Variants in SLC44A5 observed in about 807,000 individuals in gnomAD.
SLC44A5 encodes the protein choline transporter-like protein 5.
In SLC44A5, 57 loss-of-function variants were observed where a neutral mutation model predicts 101.8. The observed-to-expected ratio is 0.56, with a 90% CI of 0.45 to 0.70. The LOEUF (loss-of-function observed/expected upper bound fraction) is 0.70, where lower values mean the gene tolerates loss of function less well. Among genes scored for constraint, SLC44A5 ranks in the 30% least tolerant of loss-of-function variants. The pLI is 0.00. For synonymous variants in SLC44A5, 281 were observed against 290.9 expected (o/e 0.97, Z 0.35); for missense variants, 737 against 853.1 (o/e 0.86, Z 1.70).
At chr1:75,457,687 A>C (rs1666263368) in intron 2 of SLC44A5, among the ~76,000 whole-genome samples, 1 of 152,106 alleles carries the variant, frequency 6.6e-6, no homozygotes, top group East Asian at 1.9e-4. Context: ...ATGAAACCCC[A>C]TGTCTACTCA....
chr1:75,343,505 A>G (rs1282341797), intron 3 of SLC44A5, among the ~76,000 whole-genome samples: 1 of 152,170 alleles, frequency 6.6e-6, no homozygotes, highest in African/African-American at 2.4e-5. Flanking sequence ...GAAAATGACA[A>G]TATAACTACC....
At chr1:75,650,597 T>C in the SLC44A5 span, among the ~76,000 whole-genome samples, 1 of 152,240 alleles carries the variant, frequency 6.6e-6, no homozygotes, top group East Asian at 1.9e-4. Flanking sequence ...TCTAATTATT[T>C]CTTGCCTTTA....
Position 75,401,592 on chromosome 1 carries a change from A to G in SLC44A5, c.14-4971T>C, listed in dbSNP as rs372417419. Among the ~76,000 whole-genome samples, 40 of 152,262 alleles carry G rather than the reference A, an allele frequency of 2.6e-4. No homozygotes were observed. In the South Asian group the frequency reaches 8.1e-3, roughly 31 times the overall value. ...AGGAACTGAAACAAGGCCAACATGT[A>G]GCTGGAGGACACTGGGCGAGGGGCT... On this transcript the variant is annotated intron_variant, in intron 2 of 23. Transcript: ENST00000370859.
chr1:75,633,827 T>C, the SLC44A5 span, among the ~76,000 whole-genome samples: 1 of 152,184 alleles, frequency 6.6e-6, no homozygotes, highest in Admixed American at 6.5e-5. Flanking sequence ...TTCCAGTCTT[T>C]GCCCATTCAG....
At chr1:75,590,115 C>T (rs1052004330) in intron 1 of SLC44A5, among the ~76,000 whole-genome samples, 2 of 151,960 alleles carry the variant, frequency 1.3e-5, no homozygotes, top group Admixed American at 6.6e-5. Context: ...GCTGGCATCA[C>T]CCTTCCCCTA....
intron 1 of SLC44A5, among the ~76,000 whole-genome samples, chr1:75,554,616 T>C (rs1398067877): frequency 6.6e-6 from 1 of 152,076 alleles, no homozygotes; most frequent in Non-Finnish European, 1.5e-5. Flanking sequence ...CCTGTATTCC[T>C]GGAGTTGAAG....
chr1:75,617,435 A>T, the SLC44A5 span, among the ~76,000 whole-genome samples: 8 of 152,198 alleles, frequency 5.3e-5, no homozygotes, highest in African/African-American at 1.9e-4. Flanking sequence ...GAGAATTTGG[A>T]CAAGTCACTC....
intron 7 of SLC44A5, among the ~76,000 whole-genome samples, chr1:75,249,178 T>A (rs1285265932): frequency 1.3e-5 from 2 of 151,936 alleles, no homozygotes; most frequent in Non-Finnish European, 2.9e-5. Flanking sequence ...TCAGCAGAAG[T>A]AAGATTTCAA....
chr1:75,679,680 G>T, the SLC44A5 span, among the ~76,000 whole-genome samples: 38,685 of 150,698 alleles, frequency 0.26, 5,867 homozygotes, highest in East Asian at 0.67. Flanking sequence ...AAAGACCATC[G>T]AGACTAGGAA....
intron 5 of SLC44A5, among the ~76,000 whole-genome samples, chr1:75,290,332 C>T (rs947840059): frequency 2.0e-5 from 3 of 152,106 alleles, no homozygotes; most frequent in African/African-American, 7.2e-5. Flanking sequence ...AGATGTTAAA[C>T]TCATATAGAA....
intron 23 of SLC44A5, 36 bp downstream of exon 23, chr1:75,211,432 C>T (rs1646850457): frequency 6.5e-7 from 1 of 1,526,914 alleles, no homozygotes; most frequent in South Asian, 1.1e-5. Flanking sequence ...TTCAGTTATC[C>T]ACCGAAGGGG....
At chr1:75,560,157 T>C (rs953617511) in intron 1 of SLC44A5, among the ~76,000 whole-genome samples, 1 of 152,172 alleles carries the variant, frequency 6.6e-6, no homozygotes, top group Non-Finnish European at 1.5e-5. Context: ...AACTACCATA[T>C]GATACAACAA....
At chr1:75,231,378 C>T (rs1360195007) in intron 12 of SLC44A5, among the ~76,000 whole-genome samples, 11 of 152,170 alleles carry the variant, frequency 7.2e-5, no homozygotes, top group Admixed American at 6.5e-4. Context: ...TAAAACAATA[C>T]AGCGCAATCC....
At chr1:75,641,681 T>C in the SLC44A5 span, 23 of 1,515,598 alleles carry the variant, frequency 1.5e-5, 1 homozygote, top group South Asian at 2.0e-4. Context: ...ACTATATACC[T>C]CTCTCCAATC....
intron 3 of SLC44A5, among the ~76,000 whole-genome samples, chr1:75,342,878 T>A (rs1657986788): frequency 6.6e-6 from 1 of 152,114 alleles, no homozygotes; most frequent in Non-Finnish European, 1.5e-5. Flanking sequence ...CCAAAACCAG[T>A]CAGATGATAA....
intron 6 of SLC44A5, among the ~76,000 whole-genome samples, chr1:75,271,096 A>G (rs1294181719): frequency 2.0e-5 from 3 of 152,008 alleles, no homozygotes; most frequent in Non-Finnish European, 4.4e-5. Flanking sequence ...ACCTCCCTGG[A>G]TCAAAATTTA....
chr1:75,517,561 C>T (rs1324193712), intron 2 of SLC44A5, among the ~76,000 whole-genome samples: 6 of 151,950 alleles, frequency 3.9e-5, no homozygotes, highest in Non-Finnish European at 5.9e-5. Context: ...AGCAAGAGGC[C>T]GACAAGAGAG....
intron 1 of SLC44A5, 146 bp from the exon 2 acceptor site, chr1:75,541,662 A>G: frequency 2.1e-6 from 1 of 477,330 alleles, no homozygotes; most frequent in South Asian, 4.4e-5. Context: ...TCTTCTACAC[A>G]TAAAATACCG....
the SLC44A5 span, among the ~76,000 whole-genome samples, chr1:75,648,912 C>T: frequency 3.3e-5 from 5 of 152,222 alleles, no homozygotes; most frequent in South Asian, 1.0e-3. Flanking sequence ...TATATTACAG[C>T]TGTTGCAGAG....
Sources: allele counts gnomAD v4.1 joint callset (sites outside exome capture counted in the v4.1 genomes callset), GRCh38; gene constraint gnomAD v4.1.1; transcripts MANE v1.5; gene names NCBI Gene and HGNC (gene_info 2026-07-23, HGNC 2026-07-21).